Variants in UBA6 observed in about 807,000 individuals in gnomAD.
The protein encoded by UBA6 is ubiquitin-like modifier-activating enzyme 6.
In UBA6, 87 loss-of-function variants were observed where a neutral mutation model predicts 148.3. The ratio of observed to expected loss-of-function variants is 0.59; its 90% confidence interval spans 0.49 to 0.70. The LOEUF (loss-of-function observed/expected upper bound fraction) is 0.70, where lower values mean the gene tolerates loss of function less well. UBA6 is among the 30% of genes least tolerant of loss of function. UBA6 has a pLI of 0.00. For synonymous variants in UBA6, 376 were observed against 401.0 expected, an observed-to-expected ratio of 0.94 and a Z score of 0.75; for missense variants, 1,186 against 1,241.2, an observed-to-expected ratio of 0.96 and a Z score of 0.67.
chr4:67,628,876 T>A (rs1344572957), intron 27 of UBA6, among the ~76,000 whole-genome samples, 195 bp downstream of exon 27: 2 of 152,020 alleles, frequency 1.3e-5, no homozygotes, highest in Admixed American at 6.6e-5. Context: ...TGATCTTTTT[T>A]AAAATTCCAC....
chr4:67,663,627 T>C (rs912366557), intron 11 of UBA6: 4 of 476,254 alleles, frequency 8.4e-6, no homozygotes, highest in African/African-American at 5.8e-5. Flanking sequence ...AATCGTCTTA[T>C]AATTATCAAA....
rs1730061618 is a variant in UBA6, at chr4:67,668,477, T to C, written c.793+74A>G. ...CATGTCTCTCTGAGTTGACATTCTG[T>C]TCCCAACACTTAGTGTCTGAACTAT... On this transcript the variant is annotated intron_variant, in intron 9 of 32. Transcript: ENST00000322244. The C allele has an allele frequency of 2.1e-6, 3 of 1,397,404 alleles. No individual in the cohort carries two copies. In the African/African-American group the frequency reaches 4.3e-5, roughly 20 times the overall value. The allele number at this position is 1,397,404 out of a possible 1,614,324, so 86.6% of individuals were successfully genotyped here.
At chr4:67,677,833 T>A in intron 5 of UBA6, 111 bp from the exon 6 acceptor site, 1 of 545,442 alleles carries the variant, frequency 1.8e-6, no homozygotes, top group Non-Finnish European at 3.1e-6. Context: ...AAAATTTCAA[T>A]GGAAACTTAC....
At chr4:67,644,438 G>C (rs1452835875) in intron 17 of UBA6, among the ~76,000 whole-genome samples, 1 of 152,038 alleles carries the variant, frequency 6.6e-6, no homozygotes, top group Admixed American at 6.6e-5. Context: ...TTATGAGATA[G>C]GTAGTACAAA....
At chr4:67,624,326 CTTTCACGT>C (rs1357665857) in intron 29 of UBA6, 73 bp from the exon 30 acceptor site, 54 of 1,422,388 alleles carry the variant, frequency 3.8e-5, no homozygotes, top group Non-Finnish European at 5.1e-5. Flanking sequence ...ATCTATTCAA[CTTTCACGT>C]TTTCAAGCAT....
At chr4:67,698,735 G>A (rs553524380) in intron 1 of UBA6, among the ~76,000 whole-genome samples, 23 of 152,256 alleles carry the variant, frequency 1.5e-4, no homozygotes, top group African/African-American at 5.5e-4. Flanking sequence ...CAAGGCAGGC[G>A]GACCACCTGA....
At position 67,678,537 on chromosome 4, in the gene UBA6, C is replaced by A; in HGVS notation, c.259-4G>T. 1.3e-6 allele frequency: 2 copies of A among 1,567,332 alleles called. No individual in the cohort carries two copies. Among genetic ancestry groups the A allele is most frequent in the South Asian group, 1.2e-5 (1 of 84,524 alleles). ...CTGTATCATGAATTGTAACTGCCTT[C>A]AAAAAAGAAAAAAGTATTGGTTGAA... is the stretch of plus-strand genomic sequence containing the variant. On this transcript the variant is annotated splice_polypyrimidine_tract_variant and splice_region_variant and intron_variant, in intron 4 of 32. Coordinates refer to ENST00000322244, the MANE Select transcript of UBA6 (RefSeq NM_018227.6).
At chr4:67,662,873 C>A in intron 12 of UBA6, 1 of 302,342 alleles carries the variant, frequency 3.3e-6, no homozygotes, top group Non-Finnish European at 6.0e-6. Context: ...TTCAGTAATT[C>A]TCAGAATTTT....
At chr4:67,665,420 T>TC (rs35765874) in intron 9 of UBA6, 128 bp from the exon 10 acceptor site, 20 of 522,924 alleles carry the variant, frequency 3.8e-5, no homozygotes, top group Non-Finnish European at 5.1e-5. Flanking sequence ...AGTGTTTTTT[T>TC]TTGTTTGTTT....
rs1166704282 is a variant in UBA6, at chr4:67,615,901, G to A, written c.*3096C>T. On this transcript the variant is annotated 3_prime_UTR_variant, in exon 33 of 33. Transcript: ENST00000322244. Reference sequence around the variant, plus strand: ...ATTACCAAAGGGTACGTGGCAGGGAGCTGGTTGTGACTGGGAAGGAACTAC... The same window carrying A: ...ATTACCAAAGGGTACGTGGCAGGGAACTGGTTGTGACTGGGAAGGAACTAC... 6 of 323,430 alleles carry A rather than the reference G, an allele frequency of 1.9e-5. No homozygotes were observed. Among genetic ancestry groups the A allele is most frequent in the Non-Finnish European group, 3.4e-5 (6 of 178,530 alleles). 20.0% of individuals were successfully genotyped at this position (323,430 alleles called of 1,614,324 possible). A position where few individuals can be genotyped will look rare whatever the true frequency, so the allele number is the denominator to read the frequency against.
rs200041747 is a variant in UBA6, at chr4:67,661,833, CTT to C, written c.1104+354_1104+355del. The C allele has an allele frequency of 3.0e-3, 892 of 296,490 alleles. 9 individuals are homozygous for C. The highest frequency in any genetic ancestry group is 0.018 in the African/African-American group (809 of 45,988). The allele number at this position is 296,490 out of a possible 1,614,324, so 18.4% of individuals were successfully genotyped here. The stretch of plus-strand genomic sequence containing the variant: ...AATGTATAATATATAAAACAGGTGA[CTT>C]ATATAAGAAAGCTAACATATATAAG... On this transcript the variant is annotated intron_variant, in intron 13 of 32. Coordinates refer to ENST00000322244, the MANE Select transcript of UBA6 (RefSeq NM_018227.6).
intron 9 of UBA6, among the ~76,000 whole-genome samples, chr4:67,667,260 A>G (rs1412140709): frequency 6.6e-6 from 1 of 152,204 alleles, no homozygotes; most frequent in East Asian, 1.9e-4. Context: ...AATTAGATAT[A>G]GTCAGGAAAC....
At chr4:67,645,012 G>A (rs1048520406) in intron 16 of UBA6, among the ~76,000 whole-genome samples, 2 of 151,828 alleles carry the variant, frequency 1.3e-5, no homozygotes, top group African/African-American at 4.8e-5. Context: ...ACAATATAAT[G>A]TTAATACAAC....
chr4:67,650,789 T>C (rs1378391839), intron 13 of UBA6, among the ~76,000 whole-genome samples: 16 of 152,078 alleles, frequency 1.1e-4, no homozygotes, highest in Admixed American at 9.8e-4. Flanking sequence ...AAAATATTGA[T>C]GAGAGGTATA....
rs1225872750 is a variant in UBA6 at position 67,681,423 on chromosome 4, T to G, written c.258+140A>C. 3.3e-5 allele frequency: 18 copies of G among 549,474 alleles called. No homozygotes were observed. The South Asian group carries it at 3.7e-4, about 11-fold the overall frequency. 34.0% of individuals were successfully genotyped at this position (549,474 alleles called of 1,614,324 possible). ...GTTACACAATTCTTTCTTTGTATAT[T>G]TTTTAAATTTCCATGATTTTTTTTA... On this transcript the variant is annotated intron_variant, in intron 4 of 32. Coordinates refer to ENST00000322244, the MANE Select transcript of UBA6 (RefSeq NM_018227.6).
At chr4:67,663,799 G>A (rs1464067857) in intron 11 of UBA6, 86 bp downstream of exon 11, 2 of 1,155,004 alleles carry the variant, frequency 1.7e-6, no homozygotes, top group South Asian at 1.2e-5. Flanking sequence ...TACCTACATG[G>A]TTATTCCATT....
intron 2 of UBA6, among the ~76,000 whole-genome samples, chr4:67,686,952 T>TAAAAAAAAAAAAAA (rs546442640): frequency 3.5e-5 from 2 of 57,188 alleles, no homozygotes; most frequent in African/African-American, 1.5e-4. Flanking sequence ...ATCCTGTCTC[T>TAAAAAAAAAAAAAA]AAAAAAAAAA....
intron 1 of UBA6, among the ~76,000 whole-genome samples, chr4:67,700,442 C>G (rs977491685): frequency 6.6e-6 from 1 of 152,118 alleles, no homozygotes; most frequent in Non-Finnish European, 1.5e-5. Flanking sequence ...TATTTTCCCC[C>G]TAATTTTACA....
intron 9 of UBA6, 82 bp from the exon 10 acceptor site, chr4:67,665,374 T>A: frequency 1.2e-6 from 1 of 804,200 alleles, no homozygotes; most frequent in Non-Finnish European, 2.0e-6. Context: ...AAGAGGTTAA[T>A]TATCCCTAAT....
Sources: gnomAD v4.1 joint callset for allele counts (sites outside exome capture counted in the v4.1 genomes callset) on GRCh38, gnomAD v4.1.1 for gene constraint, MANE v1.5 for transcripts, NCBI Gene and HGNC (gene_info 2026-07-23, HGNC 2026-07-21) for gene names.